The following MYO19 variants were observed in gnomAD, a reference collection of about 807,000 sequenced individuals.
MYO19 encodes myosin XIX.
MYO19 carries 132 observed loss-of-function variants against 129.2 expected under a neutral mutation model. The ratio of observed to expected loss-of-function variants is 1.02; its 90% CI spans 0.89 to 1.18. The LOEUF is 1.18. MYO19 is among the 50% of genes most tolerant of loss of function. The pLI, the probability that MYO19 is intolerant of heterozygous loss-of-function variation, is 0.00. For missense variants in MYO19, 1,210 were observed against 1,216.7 expected (o/e 0.99, Z 0.08); for synonymous variants, 531 against 477.2 (o/e 1.11, Z -1.47).
chr17:36,528,116 C>T lies in MYO19; in HGVS notation c.99G>A (p.Leu33=), dbSNP rs780658762. ...TGGTGAGGTCATCCAGTTTGTACAG[C>T]AGGACCTCCCCACCCAGGAACTCCT... ...DLQEFLGGEV[L]LYKLDDLTRV... The change falls in exon 4 of 26, where the codon CTG becomes CTA. Residue 33 remains leucine (L), a synonymous_variant. Transcript: ENST00000614623. 27 of 1,613,776 alleles carry T rather than the reference C, an allele frequency of 1.7e-5. No individual in the cohort carries two copies. In the African/African-American group the frequency reaches 3.6e-4, roughly 22 times the overall value.
upstream of MYO19, chr17:36,535,520 T>G (rs2074087233): frequency 6.6e-6 from 1 of 152,192 alleles, no homozygotes; most frequent in African/African-American, 2.4e-5. Context: ...CCCGCGTGGT[T>G]TGGCGGGTGC....
chr17:36,522,027 T>TAAAAA (rs1567777143), intron 6 of MYO19, among the ~76,000 whole-genome samples: 3 of 46,164 alleles, frequency 6.5e-5, no homozygotes, highest in Admixed American at 2.3e-4. Flanking sequence ...AAGACTGTCT[T>TAAAAA]TAAAAAAAAA....
At chr17:36,528,846 T>C (rs1303488081) in intron 3 of MYO19, among the ~76,000 whole-genome samples, 1 of 152,226 alleles carries the variant, frequency 6.6e-6, no homozygotes. Context: ...CTCCGGCCAC[T>C]TGCAAGTAGC....
chr17:36,537,294 A>T (rs984060224), upstream of MYO19: 1 of 1,613,418 alleles, frequency 6.2e-7, no homozygotes. Context: ...TGTTGTCCTA[A>T]TAGTTCCCAT....
At chr17:36,534,944 G>GTGGCCGGGGGTCGGC (rs1487738656), upstream of MYO19, 1 of 152,320 alleles carries the variant, frequency 6.6e-6, no homozygotes, top group Admixed American at 6.5e-5. Flanking sequence ...GCACTGCTAA[G>GTGGCCGGGGGTCGGC]TGGCCGGGGG....
chr17:36,510,948 C>CA (rs562099981), intron 12 of MYO19, 31 bp from the exon 13 acceptor site: 279 of 1,545,936 alleles, frequency 1.8e-4, no homozygotes, highest in Non-Finnish European at 2.3e-4. Context: ...TTAGGCAAAT[C>CA]ACTCTCCATC....
chr17:36,508,897 C>T (rs1206375029), intron 14 of MYO19, 165 bp downstream of exon 14: 1 of 647,340 alleles, frequency 1.5e-6, no homozygotes, highest in African/African-American at 1.8e-5. Flanking sequence ...GAGATCTCAC[C>T]CTATGCAGAG....
At chr17:36,524,933 A>C (rs1028333495) in intron 6 of MYO19, among the ~76,000 whole-genome samples, 1 of 152,212 alleles carries the variant, frequency 6.6e-6, no homozygotes, top group Non-Finnish European at 1.5e-5. Flanking sequence ...TGTTTCCAGT[A>C]GTGTCAAGAG....
intron 2 of MYO19, among the ~76,000 whole-genome samples, chr17:36,532,994 C>G (rs548180047): frequency 6.6e-6 from 1 of 152,132 alleles, no homozygotes; most frequent in Non-Finnish European, 1.5e-5. Flanking sequence ...GCCCTATCCT[C>G]TACATTAGAC....
chr17:36,506,409 A>G, intron 18 of MYO19, 47 bp downstream of exon 18: 1 of 1,603,910 alleles, frequency 6.2e-7, no homozygotes, highest in Non-Finnish European at 8.5e-7. Flanking sequence ...TATTTGTGAG[A>G]CCGTGGAGTT....
At chr17:36,503,763 T>C (rs2071692664) in intron 20 of MYO19, among the ~76,000 whole-genome samples, 187 bp downstream of exon 20, 1 of 152,216 alleles carries the variant, frequency 6.6e-6, no homozygotes, top group South Asian at 2.1e-4. Flanking sequence ...GGGTACAAAA[T>C]AGTGCACAAT....
At chr17:36,537,737 A>G, upstream of MYO19, 3 of 1,614,144 alleles carry the variant, frequency 1.9e-6, no homozygotes, top group Non-Finnish European at 8.5e-7. Flanking sequence ...TAGTCTTCCT[A>G]GGAATCGGAC....
At chr17:36,516,277 G>A (rs1055194373) in intron 6 of MYO19, among the ~76,000 whole-genome samples, 1 of 152,118 alleles carries the variant, frequency 6.6e-6, no homozygotes, top group Admixed American at 6.5e-5. Flanking sequence ...TTATACAATT[G>A]TTTATAAACA....
chr17:36,499,007 C>G lies in MYO19; in HGVS notation c.2463+68G>C, dbSNP rs563088078. ...GCATTGCAGTGGCAGAGCCAGCATT[C>G]CCACTCGGGTCCATCTGGTCCCCAA... On this transcript the variant is annotated intron_variant, in intron 24 of 25. Coordinates refer to ENST00000614623, the MANE Select transcript of MYO19 (RefSeq NM_001163735.2). 1.5e-5 allele frequency: 19 copies of G among 1,283,480 alleles called. No homozygotes were observed. The South Asian group carries it at 2.4e-4, about 16-fold the overall frequency. 79.5% of individuals were successfully genotyped at this position (1,283,480 alleles called of 1,614,324 possible).
chr17:36,515,204 A>C (rs2072659414), intron 7 of MYO19, 22 bp from the exon 8 acceptor site: 1 of 1,606,170 alleles, frequency 6.2e-7, no homozygotes, highest in African/African-American at 1.3e-5. Context: ...ACCTATGTTT[A>C]TTTCACTCCC....
intron 19 of MYO19, 181 bp downstream of exon 19, chr17:36,505,116 C>T: frequency 2.6e-6 from 2 of 769,774 alleles, no homozygotes; most frequent in Non-Finnish European, 4.7e-6. Context: ...ATGCACAGAC[C>T]ACACAACCAT....
At chr17:36,512,818 G>C (rs1265528927) in intron 11 of MYO19, 1 of 1,269,580 alleles carries the variant, frequency 7.9e-7, no homozygotes, top group Non-Finnish European at 1.0e-6. Flanking sequence ...AGTCAGCTCT[G>C]TCAGCAAAGA....
In MYO19 at chr17:36,521,955, C is replaced by T. The variant is rs112961887; in HGVS notation, c.414+3273G>A. Among the ~76,000 whole-genome samples the T allele has an allele frequency of 4.8e-3, 669 of 140,006 alleles. 8 individuals are homozygous for T. The highest frequency in any genetic ancestry group is 0.017 in the African/African-American group (655 of 38,472). The allele number at this position is 140,006 out of a possible 152,430, so 91.8% of individuals were successfully genotyped here. A position where few individuals can be genotyped will look rare whatever the true frequency, so the allele number is the denominator to read the frequency against. On this transcript the variant is annotated intron_variant, in intron 6 of 25. Coordinates refer to ENST00000614623, the MANE Select transcript of MYO19 (RefSeq NM_001163735.2). Reference sequence around the variant, plus strand: ...CTGAGGCAGGAGAATTGCTTGAACCCGGGAGGCGGAGGTTGCAGTGAGCCA... The same window carrying T: ...CTGAGGCAGGAGAATTGCTTGAACCTGGGAGGCGGAGGTTGCAGTGAGCCA...
At chr17:36,527,101 G>A (rs1333985996) in intron 5 of MYO19, among the ~76,000 whole-genome samples, 1 of 152,132 alleles carries the variant, frequency 6.6e-6, no homozygotes, top group Non-Finnish European at 1.5e-5. Context: ...AGGAGGTGGA[G>A]GTTGCGCTGA....
Sources: gnomAD v4.1 joint callset for allele counts (sites outside exome capture counted in the v4.1 genomes callset) on GRCh38, gnomAD v4.1.1 for gene constraint, MANE v1.5 for transcripts, NCBI Gene and HGNC (gene_info 2026-07-23, HGNC 2026-07-21) for gene names.